The following RBMS3 variants were observed in gnomAD, a reference collection of about 807,000 sequenced individuals.
RBMS3 encodes the protein RNA binding motif single stranded interacting protein 3.
A neutral mutation model predicts 66.8 loss-of-function variants in RBMS3; 27 were observed. The ratio of observed to expected loss-of-function variants is 0.40; its 90% CI spans 0.30 to 0.56. The LOEUF (loss-of-function observed/expected upper bound fraction) is 0.56, where lower values mean the gene tolerates loss of function less well. RBMS3 is among the 20% of genes least tolerant of loss of function. RBMS3 has a pLI of 0.40. For missense variants in RBMS3, 513 were observed against 549.5 expected (o/e 0.93, Z 0.66); for synonymous variants, 188 against 183.0 (o/e 1.03, Z -0.22).
intron 3 of RBMS3, among the ~76,000 whole-genome samples, chr3:29,551,084 G>A (rs1003159869): frequency 3.3e-5 from 5 of 152,220 alleles, no homozygotes; most frequent in Middle Eastern, 3.2e-3. Flanking sequence ...TGTCTTTCAC[G>A]TGAGATGCTA....
At chr3:29,791,421 A>C (rs9854648) in intron 6 of RBMS3, among the ~76,000 whole-genome samples, 85,688 of 151,532 alleles carry the variant, frequency 0.57, 24,813 homozygotes, top group African/African-American at 0.64. Context: ...TAAAAAACAA[A>C]AGCAACAAAT....
At chr3:29,901,890 A>G (rs2060262012) in intron 10 of RBMS3, among the ~76,000 whole-genome samples, 1 of 151,830 alleles carries the variant, frequency 6.6e-6, no homozygotes, top group Non-Finnish European at 1.5e-5. Context: ...CAGAGTTTGT[A>G]CCATCAATCA....
At chr3:29,362,434 C>T (rs959266395) in intron 1 of RBMS3, among the ~76,000 whole-genome samples, 1 of 152,180 alleles carries the variant, frequency 6.6e-6, no homozygotes, top group African/African-American at 2.4e-5. Flanking sequence ...AGTACCCGGC[C>T]TTGTGAGGTG....
chr3:29,927,460 A>G (rs2060970134), intron 10 of RBMS3, among the ~76,000 whole-genome samples: 1 of 152,324 alleles, frequency 6.6e-6, no homozygotes, highest in Non-Finnish European at 1.5e-5. Context: ...TAATGATACC[A>G]GTGAACTTAG....
In RBMS3 at chr3:29,971,267, C is replaced by CT. The variant is rs1697209812; in HGVS notation, c.1099-16872dup. Among the ~76,000 whole-genome samples the CT allele has an allele frequency of 2.0e-5, 3 of 152,152 alleles. No homozygotes were observed. The South Asian group carries it at 6.2e-4, about 31-fold the overall frequency. On this transcript the variant is annotated intron_variant, in intron 12 of 14. Transcript: ENST00000383767. ...CAGCCTTGGCCTCACTTCAGAATGCCTTTTAACAGAGTACTCCACAGCCCC... is the reference window on the plus strand; with the variant it reads ...CAGCCTTGGCCTCACTTCAGAATGCCTTTTTAACAGAGTACTCCACAGCCCC...
intron 1 of RBMS3, among the ~76,000 whole-genome samples, chr3:29,408,622 ATTATGATACACTTTT>A (rs2040130470): frequency 6.6e-6 from 1 of 152,176 alleles, no homozygotes; most frequent in South Asian, 2.1e-4. Flanking sequence ...CTCTAATGTC[ATTATGATACACTTTT>A]TTTATATATA....
intron 1 of RBMS3, among the ~76,000 whole-genome samples, chr3:29,314,588 T>A (rs1288004350): frequency 6.6e-6 from 1 of 151,578 alleles, no homozygotes; most frequent in East Asian, 1.9e-4. Flanking sequence ...CCTGGTTTAA[T>A]TACAAGTACC....
At chr3:29,632,913 G>GT (rs2049339017) in intron 4 of RBMS3, among the ~76,000 whole-genome samples, 1 of 151,690 alleles carries the variant, frequency 6.6e-6, no homozygotes, top group African/African-American at 2.4e-5. Context: ...CTAAGTAACT[G>GT]GCACAATGAA....
chr3:29,706,751 A>T (rs2052914531), intron 4 of RBMS3, among the ~76,000 whole-genome samples: 1 of 152,238 alleles, frequency 6.6e-6, no homozygotes. Flanking sequence ...AGGATGCCTT[A>T]GCAAAACCAC....
intron 6 of RBMS3, among the ~76,000 whole-genome samples, chr3:29,847,887 A>ATAGTCT (rs2058828016): frequency 6.6e-6 from 1 of 152,058 alleles, no homozygotes; most frequent in Non-Finnish European, 1.5e-5. Flanking sequence ...CCATCTCCTG[A>ATAGTCT]CCTCGTGATC....
At chr3:29,938,229 T>A (rs1449922115) in intron 11 of RBMS3, among the ~76,000 whole-genome samples, 2 of 151,994 alleles carry the variant, frequency 1.3e-5, no homozygotes, top group Non-Finnish European at 2.9e-5. Flanking sequence ...GATTTTGTAT[T>A]TGAGCATTCC....
intron 2 of RBMS3, among the ~76,000 whole-genome samples, chr3:29,440,524 T>G (rs2041579329): frequency 6.6e-6 from 1 of 152,130 alleles, no homozygotes; most frequent in South Asian, 2.1e-4. Flanking sequence ...GCCCCCACAC[T>G]TTTCTCCGTA....
intron 1 of RBMS3, among the ~76,000 whole-genome samples, chr3:29,376,105 C>T (rs1028416895): frequency 7.3e-5 from 11 of 149,916 alleles, no homozygotes; most frequent in Non-Finnish European, 1.3e-4. Context: ...AAACCAAGTG[C>T]CATGTGTTCT....
At chr3:29,696,215 T>A (rs2149280439) in intron 4 of RBMS3, among the ~76,000 whole-genome samples, 1 of 152,324 alleles carries the variant, frequency 6.6e-6, no homozygotes, top group South Asian at 2.1e-4. Context: ...GCAGTGTGAC[T>A]TCACGTGAGT....
At chr3:29,855,679 G>A (rs749212359) in intron 6 of RBMS3, among the ~76,000 whole-genome samples, 13 of 152,160 alleles carry the variant, frequency 8.5e-5, no homozygotes, top group South Asian at 2.1e-4. Flanking sequence ...GACTCTTTAT[G>A]CAGATATTTT....
At chr3:29,610,921 C>T (rs1447248667) in intron 4 of RBMS3, among the ~76,000 whole-genome samples, 1 of 151,788 alleles carries the variant, frequency 6.6e-6, no homozygotes, top group Non-Finnish European at 1.5e-5. Flanking sequence ...TCTGCCTTTC[C>T]TTAAGGGAAA....
At chr3:29,736,522 G>A (rs1454358113) in intron 4 of RBMS3, among the ~76,000 whole-genome samples, 2 of 152,006 alleles carry the variant, frequency 1.3e-5, no homozygotes, top group Non-Finnish European at 2.9e-5. Context: ...CTGAGACAAT[G>A]GCGTAGACTG....
At chr3:29,521,545 T>C (rs1344049484) in intron 3 of RBMS3, among the ~76,000 whole-genome samples, 1 of 152,048 alleles carries the variant, frequency 6.6e-6, no homozygotes, top group East Asian at 1.9e-4. Context: ...TTACTGGGAG[T>C]AAACTTTCTT....
intron 1 of RBMS3, among the ~76,000 whole-genome samples, chr3:29,323,726 A>ACACACACACACACACACC: frequency 7.1e-6 from 1 of 140,706 alleles, no homozygotes; most frequent in Admixed American, 7.0e-5. Context: ...ACACACACAC[A>ACACACACACACACACACC]CCCCTTGGAC....
Sources: gnomAD v4.1 joint callset for allele counts (sites outside exome capture counted in the v4.1 genomes callset) on GRCh38, gnomAD v4.1.1 for gene constraint, MANE v1.5 for transcripts, NCBI Gene and HGNC (gene_info 2026-07-23, HGNC 2026-07-21) for gene names.